Variants in PPAN observed in about 807,000 individuals in gnomAD.
The protein encoded by PPAN is suppressor of SWI4 1 homolog.
PPAN carries 39 observed loss-of-function variants against 48.5 expected under a neutral mutation model. The observed-to-expected ratio is 0.80, with a 90% CI of 0.62 to 1.05. The LOEUF is 1.05. Among genes scored for constraint, PPAN ranks in the 50% least tolerant of loss-of-function variants. The probability of loss-of-function intolerance (pLI) is 0.00; values close to 1 mark genes in which losing one functional copy is unlikely to be tolerated. For missense variants in PPAN, 736 were observed against 661.7 expected, an observed-to-expected ratio of 1.11 and a Z score of -1.23; for synonymous variants, 315 against 268.6, an observed-to-expected ratio of 1.17 and a Z score of -1.69.
intron 6 of PPAN, 65 bp from the exon 7 acceptor site, chr19:10,109,848 G>A: frequency 3.1e-6 from 5 of 1,602,740 alleles, no homozygotes; most frequent in Non-Finnish European, 4.3e-6. Flanking sequence ...AGGGTGAGAT[G>A]GGCACCGCCA....
intron 6 of PPAN, 90 bp downstream of exon 6, chr19:10,109,797 G>T (rs1057311148): frequency 1.9e-6 from 3 of 1,589,186 alleles, no homozygotes; most frequent in Non-Finnish European, 2.6e-6. Context: ...GAGACGCTGT[G>T]ATTGCTCTGT....
rs779529617 is a variant in PPAN at position 10,108,070 on chromosome 19, G to A, written c.449G>A (p.Gly150Asp). The stretch of plus-strand genomic sequence containing the variant: ...GTACTCAACAGCTTTGGCCCCCATG[G>A]TATGCATGTGAAGCTCATGGCCACC... Reference protein sequence around the residue: ...LLVLNSFGPHGMHVKLMATMF... With the variant: ...LLVLNSFGPHDMHVKLMATMF... Residue 150 changes from glycine to aspartate, a missense_variant, in exon 5 of 12, where the codon GGT (glycine) becomes GAT (aspartate). By Grantham distance (94) the Gly-to-Asp change is moderately conservative. Coordinates refer to ENST00000253107, the MANE Select transcript of PPAN (RefSeq NM_020230.7). The A allele has an allele frequency of 6.2e-7, 1 of 1,614,108 alleles. No homozygotes were observed. The highest frequency in any genetic ancestry group is 8.5e-7 in the Non-Finnish European group (1 of 1,180,006).
At chr19:10,107,025 A>G (rs1396024570) in intron 2 of PPAN, 1 of 562,868 alleles carries the variant, frequency 1.8e-6, no homozygotes. Context: ...CGTCTTTACA[A>G]AAAATAGAAA....
At chr19:10,109,170 G>A (rs2088950344) in intron 5 of PPAN, among the ~76,000 whole-genome samples, 1 of 151,986 alleles carries the variant, frequency 6.6e-6, no homozygotes, top group Non-Finnish European at 1.5e-5. Flanking sequence ...CACCGTGTTA[G>A]CCAGGGTGGT....
intron 2 of PPAN, 90 bp downstream of exon 2, chr19:10,106,761 G>A (rs2088843213): frequency 6.9e-7 from 1 of 1,445,842 alleles, no homozygotes; most frequent in Non-Finnish European, 9.1e-7. Context: ...ACTGTGGGAG[G>A]ACTTAAGTCT....
At chr19:10,108,335 C>T (rs973403877) in intron 5 of PPAN, among the ~76,000 whole-genome samples, 7 of 152,152 alleles carry the variant, frequency 4.6e-5, no homozygotes, top group African/African-American at 1.2e-4. Context: ...GTCCACACCC[C>T]GTGAGCTGCA....
At position 10,111,719 on chromosome 19, in the gene PPAN, A is replaced by G. The variant is rs368409115; in HGVS notation, c.*554A>G. On this transcript the variant is annotated 3_prime_UTR_variant, in exon 12 of 12. Transcript: ENST00000253107. ...GACACAGGCTGAGGATCGGCACGGG[A>G]GCATGGCAGCCAACGTCTCGGGTAA... 4.8e-5 allele frequency: 78 copies of G among 1,613,368 alleles called. No homozygotes were observed. In the African/African-American group the frequency reaches 9.1e-4, roughly 19 times the overall value.
In PPAN at chr19:10,110,322, A is replaced by G; in HGVS notation, c.823-2A>G. ...GCTGACGCTTCTTCCTCGTCCCCTC[A>G]GATCGGCCCGCGGATGACACTGCAG... On this transcript the variant is annotated splice_acceptor_variant, in intron 8 of 11. Transcript: ENST00000253107. LOFTEE classifies it high-confidence loss of function. This position sits in a 1 kb window ranked among gnomAD's most constrained non-coding sequence, Gnocchi z 5.9. 3 of 1,613,722 alleles carry G rather than the reference A, an allele frequency of 1.9e-6. No homozygotes were observed. Among genetic ancestry groups the G allele is most frequent in the Non-Finnish European group, 2.5e-6 (3 of 1,179,948 alleles).
intron 5 of PPAN, among the ~76,000 whole-genome samples, chr19:10,108,626 C>T (rs955798224): frequency 1.3e-5 from 2 of 152,014 alleles, no homozygotes; most frequent in African/African-American, 4.8e-5. Flanking sequence ...GCGGTGCATG[C>T]CTGTAGTACC....
rs1213034998 is a variant in PPAN at position 10,111,025 on chromosome 19, A to G, written c.1282A>G (p.Arg428Gly). 6.2e-7 allele frequency: 1 copy of G among 1,613,488 alleles called. No individual in the cohort carries two copies. The highest frequency in any genetic ancestry group is 8.5e-7 in the Non-Finnish European group (1 of 1,179,952). The change falls in exon 12 of 12, where the codon AGG becomes GGG. Residue 428 changes from arginine to glycine, a missense_variant. Transcript: ENST00000253107. ...KRKRWEMDRG[R>G]GRLCDQKFPK... is the part of the protein sequence containing the mutation. ...GAAGCGGTGGGAAATGGATCGAGGC[A>G]GGGGTCGCCTTTGTGACCAGAAGTT...
Position 10,110,468 on chromosome 19 carries a change from C to G in PPAN, c.902-17C>G, listed in dbSNP as rs200765108. 1 of 1,612,298 alleles carries G rather than the reference C, an allele frequency of 6.2e-7. No individual in the cohort carries two copies. Among genetic ancestry groups the G allele is most frequent in the Non-Finnish European group, 8.5e-7 (1 of 1,179,648 alleles). On this transcript the variant is annotated splice_polypyrimidine_tract_variant and intron_variant, in intron 9 of 11. Transcript: ENST00000253107. The surrounding 1 kb of genome is among the most constrained non-coding windows in gnomAD (Gnocchi z 5.9). ...GAGCTGCACCCGGATCTTGGTGACC[C>G]GCGTCTCTTGGCTCAGTGAGCAAGA...
In PPAN at chr19:10,109,700, C is replaced by T. The variant is rs750737566; in HGVS notation, c.583C>T (p.Arg195Cys). 1.2e-5 allele frequency: 19 copies of T among 1,613,816 alleles called. No individual in the cohort carries two copies. Among genetic ancestry groups the T allele is most frequent in the Non-Finnish European group, 1.2e-5 (14 of 1,179,874 alleles). Residue 195 changes from arginine to cysteine, a missense_variant, in exon 6 of 12, where the codon CGC becomes TGC. Transcript: ENST00000253107. ...YNPDSQELDF[R>C]HYSIKVVPVG... ...CCCCGACTCCCAGGAGCTGGACTTC[C>T]GCCACTAGTGAGTGTCCCAGCAGGA...
At position 10,110,631 on chromosome 19, in the gene PPAN, G is replaced by A; in HGVS notation, c.1031+17G>A. ...GGCCCACAGGTCCAGGCAGAGCTGG[G>A]AAGGGCAGGGCCAAGGGGGGGTCCC... On this transcript the variant is annotated intron_variant, in intron 10 of 11. Coordinates refer to ENST00000253107, the MANE Select transcript of PPAN (RefSeq NM_020230.7). The surrounding 1 kb of genome is among the most constrained non-coding windows in gnomAD (Gnocchi z 5.9). 1 of 1,609,142 alleles carries A rather than the reference G, an allele frequency of 6.2e-7. No homozygotes were observed. The highest frequency in any genetic ancestry group is 8.5e-7 in the Non-Finnish European group (1 of 1,177,998).
At chr19:10,107,196 G>C (rs1170808146) in intron 2 of PPAN, among the ~76,000 whole-genome samples, 1 of 152,044 alleles carries the variant, frequency 6.6e-6, no homozygotes, top group Non-Finnish European at 1.5e-5. Context: ...GAAAAAAAAA[G>C]ACTAGAATCT....
Position 10,106,566 on chromosome 19 carries a change from C to G in PPAN, c.84C>G (p.Asn28Lys), listed in dbSNP as rs771593184. ...GCAACCTCGAGGCCTATGCCGCGAA[C>G]CCGCACTCGTTCGTGTTCACGCGAG... is the stretch of plus-strand genomic sequence containing the variant. ...QLRNLEAYAA[N>K]PHSFVFTRGC... Residue 28 changes from asparagine (N) to lysine (K), a missense_variant, in exon 2 of 12, where the codon AAC becomes AAG. By Grantham distance (94) the Asn-to-Lys change is moderately conservative (BLOSUM62 0). Coordinates refer to ENST00000253107, the MANE Select transcript of PPAN (RefSeq NM_020230.7). The G allele has an allele frequency of 2.6e-6, 4 of 1,553,414 alleles. No homozygotes were observed. The highest frequency in any genetic ancestry group is 1.9e-5 in the Admixed American group (1 of 51,546).
At position 10,111,434 on chromosome 19, in the gene PPAN, GGGTT is replaced by G; in HGVS notation, c.*274_*277del. On this transcript the variant is annotated 3_prime_UTR_variant, in exon 12 of 12. Transcript: ENST00000253107. Reference sequence around the variant, plus strand: ...CTGGGTCTCTCCCCTACCCTGCACGGGGTTGGTTTCATTGGTGGCAGCAGCAGCC... The same window carrying G: ...CTGGGTCTCTCCCCTACCCTGCACGGGGTTTCATTGGTGGCAGCAGCAGCC... 1 of 629,158 alleles carries G rather than the reference GGGTT, an allele frequency of 1.6e-6. No individual in the cohort carries two copies. The highest frequency in any genetic ancestry group is 2.8e-6 in the Non-Finnish European group (1 of 363,424). 39.0% of individuals were successfully genotyped at this position (629,158 alleles called of 1,614,324 possible). A position where few individuals can be genotyped will look rare whatever the true frequency, so the allele number is the denominator to read the frequency against.
At position 10,110,195 on chromosome 19, in the gene PPAN, C is replaced by T. The variant is rs375688951; in HGVS notation, c.771C>T (p.Val257=). Residue 257 remains valine (V), a synonymous_variant, in exon 8 of 12, where the codon GTC becomes GTT. Coordinates refer to ENST00000253107, the MANE Select transcript of PPAN (RefSeq NM_020230.7). This position sits in a 1 kb window ranked among gnomAD's most constrained non-coding sequence, Gnocchi z 5.9. The part of the protein sequence containing the change: ...DHNITELPQA[V]AGRGNMRAQQ... ...ACATCACAGAGCTGCCTCAGGCTGTCGCTGGCCGTGGCAACATGCGGGCCC... is the reference window on the plus strand; with the variant it reads ...ACATCACAGAGCTGCCTCAGGCTGTTGCTGGCCGTGGCAACATGCGGGCCC... 1.8e-5 allele frequency: 29 copies of T among 1,610,776 alleles called. No homozygotes were observed. The highest frequency in any genetic ancestry group is 8.0e-5 in the African/African-American group (6 of 74,936).
In PPAN at chr19:10,110,962, A is replaced by G. The variant is rs769950614; in HGVS notation, c.1219A>G (p.Lys407Glu). 2 of 1,613,362 alleles carry G rather than the reference A, an allele frequency of 1.2e-6. No homozygotes were observed. The highest frequency in any genetic ancestry group is 1.1e-5 in the South Asian group (1 of 91,044). ...APSEDLFPEA[K>E]QKRLAKSPGR... ...CCCCACAGACCTGTTCCCCGAGGCC[A>G]AGCAGAAACGGCTTGCCAAGTCTCC... Residue 407 changes from lysine to glutamate, a missense_variant, in exon 12 of 12, where the codon AAG (lysine) becomes GAG (glutamate). Transcript: ENST00000253107. This position sits in a 1 kb window ranked among gnomAD's most constrained non-coding sequence, Gnocchi z 5.9.
Position 10,110,334 on chromosome 19 carries a change from G to A in PPAN, c.833G>A (p.Arg278Gln), listed in dbSNP as rs753419269. ...TCCTCGTCCCCTCAGATCGGCCCGC[G>A]GATGACACTGCAGCTCATCAAGGTC... Reference protein sequence around the residue: ...SAVRLTEIGPRMTLQLIKVQE... With the variant: ...SAVRLTEIGPQMTLQLIKVQE... Residue 278 changes from arginine (R) to glutamine (Q), a missense_variant, in exon 9 of 12, where the codon CGG becomes CAG. Arg to Gln is a conservative substitution (Grantham distance 43). Coordinates refer to ENST00000253107, the MANE Select transcript of PPAN (RefSeq NM_020230.7). The surrounding 1 kb of genome is among the most constrained non-coding windows in gnomAD (Gnocchi z 5.9). 17 of 1,613,624 alleles carry A rather than the reference G, an allele frequency of 1.1e-5. No homozygotes were observed. Among genetic ancestry groups the A allele is most frequent in the Admixed American group, 3.3e-5 (2 of 60,004 alleles).
Sources: gnomAD v4.1 joint callset for allele counts (sites outside exome capture counted in the v4.1 genomes callset) on GRCh38, gnomAD v4.1.1 for gene constraint, Gnocchi (gnomAD v3.1) non-coding constraint, MANE v1.5 for transcripts, NCBI Gene and HGNC (gene_info 2026-07-23, HGNC 2026-07-21) for gene names.